The following PRKN variants were observed in gnomAD, a reference collection of about 807,000 sequenced individuals.
The protein encoded by PRKN is parkin RBR E3 ubiquitin protein ligase.
A neutral mutation model predicts 59.5 loss-of-function variants in PRKN; 56 were observed. The ratio of observed to expected loss-of-function variants is 0.94; its 90% confidence interval spans 0.76 to 1.18. The LOEUF is 1.18. Among genes scored for constraint, PRKN ranks in the 50% most tolerant of loss-of-function variants. The probability of loss-of-function intolerance (pLI) is 0.00; values close to 1 mark genes in which losing one functional copy is unlikely to be tolerated. For missense variants in PRKN, 657 were observed against 596.4 expected (o/e 1.10, Z -1.06); for synonymous variants, 250 against 222.1 (o/e 1.13, Z -1.12).
Position 161,350,046 on chromosome 6 carries a change from G to C in PRKN, c.*53C>G, listed in dbSNP as rs935354493. The C allele has an allele frequency of 9.2e-7, 1 of 1,081,440 alleles. No homozygotes were observed. Among genetic ancestry groups the C allele is most frequent in the East Asian group, 2.4e-5 (1 of 41,260 alleles). The allele number at this position is 1,081,440 out of a possible 1,614,324, so 67.0% of individuals were successfully genotyped here. A position where few individuals can be genotyped will look rare whatever the true frequency, so the allele number is the denominator to read the frequency against. On this transcript the variant is annotated 3_prime_UTR_variant, in exon 12 of 12. Transcript: ENST00000366898. ...AAAAGAGAATTAGAAAATGAAGGTA[G>C]ACACTGGGTATGCTCCCCCAGGATG...
At chr6:162,355,410 T>C (rs1325709696) in intron 2 of PRKN, among the ~76,000 whole-genome samples, 2 of 151,732 alleles carry the variant, frequency 1.3e-5, no homozygotes, top group East Asian at 3.9e-4. Context: ...TATCTATCTA[T>C]ATATATATAA....
At chr6:161,957,611 G>T (rs1175188248) in intron 6 of PRKN, among the ~76,000 whole-genome samples, 1 of 152,082 alleles carries the variant, frequency 6.6e-6, no homozygotes, top group East Asian at 1.9e-4. Flanking sequence ...TTTTAGTAGA[G>T]ACGAGGTTTC....
chr6:162,661,252 ACT>A (rs1778867761), intron 1 of PRKN, among the ~76,000 whole-genome samples: 1 of 151,812 alleles, frequency 6.6e-6, no homozygotes, highest in Admixed American at 6.6e-5. Flanking sequence ...CAAGAATGAA[ACT>A]CTGTCTAAAA....
intron 5 of PRKN, among the ~76,000 whole-genome samples, chr6:162,020,433 T>C (rs1016335896): frequency 6.6e-6 from 1 of 152,006 alleles, no homozygotes; most frequent in Non-Finnish European, 1.5e-5. Context: ...AATGTTTTTC[T>C]AGATATTCTT....
chr6:162,547,199 C>G (rs1375954927), intron 1 of PRKN, among the ~76,000 whole-genome samples: 1 of 152,176 alleles, frequency 6.6e-6, no homozygotes, highest in African/African-American at 2.4e-5. Context: ...TTTTCCCCAT[C>G]TACTTCCAAG....
chr6:161,997,439 A>G (rs1781890027), intron 5 of PRKN, among the ~76,000 whole-genome samples: 1 of 152,082 alleles, frequency 6.6e-6, no homozygotes, highest in Non-Finnish European at 1.5e-5. Flanking sequence ...GGTTTTGTGC[A>G]GTGTCTCTGT....
intron 3 of PRKN, among the ~76,000 whole-genome samples, chr6:162,255,667 T>C (rs989167109): frequency 1.3e-5 from 2 of 152,106 alleles, no homozygotes; most frequent in East Asian, 3.9e-4. Flanking sequence ...ACGGGCTAAG[T>C]TGCTTGGCTC....
At chr6:161,796,029 T>C (rs1790834038) in intron 6 of PRKN, among the ~76,000 whole-genome samples, 1 of 152,226 alleles carries the variant, frequency 6.6e-6, no homozygotes, top group Non-Finnish European at 1.5e-5. Context: ...ATCTGCGTTT[T>C]AGGTTTATAT....
At chr6:162,323,364 T>C (rs1246909559) in intron 2 of PRKN, among the ~76,000 whole-genome samples, 1 of 151,824 alleles carries the variant, frequency 6.6e-6, no homozygotes, top group African/African-American at 2.4e-5. Flanking sequence ...TCTTAGATAA[T>C]AATACAAAAA....
At chr6:161,798,863 G>C (rs1204228900) in intron 6 of PRKN, among the ~76,000 whole-genome samples, 1 of 152,118 alleles carries the variant, frequency 6.6e-6, no homozygotes, top group African/African-American at 2.4e-5. Flanking sequence ...GGCTCCCTGG[G>C]TCAGCCTGGG....
At chr6:161,807,127 C>A (rs1256398064) in intron 6 of PRKN, among the ~76,000 whole-genome samples, 1 of 152,130 alleles carries the variant, frequency 6.6e-6, no homozygotes, top group Non-Finnish European at 1.5e-5. Context: ...GTTTAATTAG[C>A]CAAGTGTTAC....
At chr6:162,571,328 A>C (rs1027993778) in intron 1 of PRKN, 1 of 152,012 alleles carries the variant, frequency 6.6e-6, no homozygotes, top group African/African-American at 2.4e-5. Context: ...CATTTCAAAA[A>C]AAAAAAAAAA....
Position 162,038,570 on chromosome 6 carries a change from AAAGTTCAAATC to A in PRKN, c.618+15510_618+15520del, listed in dbSNP as rs1783936472. On this transcript the variant is annotated intron_variant, in intron 5 of 11. Coordinates refer to ENST00000366898, the MANE Select transcript of PRKN (RefSeq NM_004562.3). Reference sequence around the variant, plus strand: ...CCACCAGCCTGTAAGTATCATAACAAAAGTTCAAATCAAGTTTCTCTACTGTCTGAGCTATT... The same window carrying A: ...CCACCAGCCTGTAAGTATCATAACAAAAGTTTCTCTACTGTCTGAGCTATT... Among the ~76,000 whole-genome samples, 11 of 152,316 alleles carry A rather than the reference AAAGTTCAAATC, an allele frequency of 7.2e-5. No homozygotes were observed. In the South Asian group the frequency reaches 2.3e-3, roughly 32 times the overall value.
chr6:162,193,644 G>T lies in PRKN; in HGVS notation c.534+7487C>A, dbSNP rs570028639. Among the ~76,000 whole-genome samples, 14 of 152,192 alleles carry T rather than the reference G, an allele frequency of 9.2e-5. No individual in the cohort carries two copies. In the South Asian group the frequency reaches 2.7e-3, roughly 29 times the overall value. On this transcript the variant is annotated intron_variant, in intron 4 of 11. Coordinates refer to ENST00000366898, the MANE Select transcript of PRKN (RefSeq NM_004562.3). ...AAGCTTTTGTGACCTATACATGTGTGTCCTATGGCCATTTGTAGGAGTTGG... is the reference window on the plus strand; with the variant it reads ...AAGCTTTTGTGACCTATACATGTGTTTCCTATGGCCATTTGTAGGAGTTGG...
chr6:162,087,268 T>C (rs1185123528), intron 4 of PRKN, among the ~76,000 whole-genome samples: 2 of 152,196 alleles, frequency 1.3e-5, no homozygotes, highest in Non-Finnish European at 2.9e-5. Context: ...CCCCTGGTTG[T>C]AATATAATGA....
chr6:161,352,723 A>AAG lies in PRKN; in HGVS notation c.1286-2514_1286-2513dup, dbSNP rs1491554775. ...GCATATATAAACACAAATATGTATG[A>AAG]AGAGTGTGTGTGTGTGTGTGTGTGT... On this transcript the variant is annotated intron_variant, in intron 11 of 11. Coordinates refer to ENST00000366898, the MANE Select transcript of PRKN (RefSeq NM_004562.3). The surrounding 1 kb of genome is among the most constrained non-coding windows in gnomAD (Gnocchi z 5.8). 4.8e-5 allele frequency among the ~76,000 whole-genome samples: 5 copies of AAG among 104,148 alleles called. No individual in the cohort carries two copies. Among genetic ancestry groups the AAG allele is most frequent in the Middle Eastern group, 0.013 (2 of 160 alleles). 68.3% of individuals were successfully genotyped at this position (104,148 alleles called of 152,430 possible). A position where few individuals can be genotyped will look rare whatever the true frequency, so the allele number is the denominator to read the frequency against.
At position 162,078,001 on chromosome 6, in the gene PRKN, TAA is replaced by T. The variant is rs59795906; in HGVS notation, c.535-23829_535-23828del. On this transcript the variant is annotated intron_variant, in intron 4 of 11. Transcript: ENST00000366898. ...GGGCAACAGAGAGAGACTCTCTCTC[TAA>T]AAAAAAAAAAAAAAAAAAAATTATT... is the stretch of plus-strand genomic sequence containing the variant. 8.0e-3 allele frequency among the ~76,000 whole-genome samples: 984 copies of T among 123,420 alleles called. 9 individuals carry two copies. The highest frequency in any genetic ancestry group is 0.019 in the African/African-American group (623 of 32,524). 81.0% of individuals were successfully genotyped at this position (123,420 alleles called of 152,430 possible).
At chr6:162,311,746 G>T (rs1261347439) in intron 2 of PRKN, among the ~76,000 whole-genome samples, 1 of 152,026 alleles carries the variant, frequency 6.6e-6, no homozygotes, top group African/African-American at 2.4e-5. Context: ...TGCTTAGGGT[G>T]AGAAAGCCTT....
chr6:162,445,767 A>C (rs12211750), intron 1 of PRKN, among the ~76,000 whole-genome samples: 51,259 of 137,538 alleles, frequency 0.37, 10,685 homozygotes, highest in East Asian at 0.57. Context: ...AGATAACAAT[A>C]AAAAGGCTTT....
Sources: gnomAD v4.1 joint callset for allele counts (sites outside exome capture counted in the v4.1 genomes callset) on GRCh38, gnomAD v4.1.1 for gene constraint, Gnocchi (gnomAD v3.1) non-coding constraint, MANE v1.5 for transcripts, NCBI Gene and HGNC (gene_info 2026-07-23, HGNC 2026-07-21) for gene names.